TOP6BL: variants seen among roughly 807,000 people sequenced by gnomAD.
TOP6BL encodes TOP6B like initiator of meiotic double strand breaks, also known as type 2 DNA topoisomerase 6 subunit B-like.
At chr11:66,749,289 A>C in the TOP6BL span, among the ~76,000 whole-genome samples, 2 of 152,046 alleles carry the variant, frequency 1.3e-5, no homozygotes. Context: ...CATGAACTGC[A>C]CTCTGACTGG....
At chr11:66,814,091 A>G in the TOP6BL span, 1 of 1,432,702 alleles carries the variant, frequency 7.0e-7, no homozygotes, top group Non-Finnish European at 9.6e-7. Context: ...ATATGAATAG[A>G]ACGTGTGTAT....
At chr11:66,828,323 C>G in the TOP6BL span, 1 of 1,613,638 alleles carries the variant, frequency 6.2e-7, no homozygotes, top group Non-Finnish European at 8.5e-7. Flanking sequence ...TGAGATCACC[C>G]AACACCAATT....
At chr11:66,749,294 G>T in the TOP6BL span, among the ~76,000 whole-genome samples, 23 of 152,264 alleles carry the variant, frequency 1.5e-4, no homozygotes, top group Non-Finnish European at 3.2e-4. Context: ...ACTGCACTCT[G>T]ACTGGCAGGG....
At chr11:66,744,804 C>A in the TOP6BL span, 8 of 1,277,862 alleles carry the variant, frequency 6.3e-6, no homozygotes, top group Non-Finnish European at 7.9e-6. Flanking sequence ...GAGTTCCAAG[C>A]CCGGGCTGAG....
the TOP6BL span, among the ~76,000 whole-genome samples, chr11:66,818,061 TCTC>T: frequency 6.6e-6 from 1 of 152,144 alleles, no homozygotes; most frequent in Non-Finnish European, 1.5e-5. Context: ...ATGTCTCTGT[TCTC>T]CTTTCTCTAT....
chr11:66,758,302 C>CTTTCTTTTTT, the TOP6BL span: 1 of 67,318 alleles, frequency 1.5e-5, no homozygotes. Flanking sequence ...TTTTCTTTTT[C>CTTTCTTTTTT]TTTTTTTTTT....
chr11:66,816,333 A>G, the TOP6BL span: 3 of 1,030,034 alleles, frequency 2.9e-6, no homozygotes, highest in Admixed American at 6.1e-5. Flanking sequence ...ACCTTGCTTA[A>G]TAAAATGAAC....
chr11:66,780,242 T>G, the TOP6BL span, among the ~76,000 whole-genome samples: 3 of 152,212 alleles, frequency 2.0e-5, no homozygotes, highest in African/African-American at 7.2e-5. Context: ...ACTCAAATAC[T>G]TATAATTCCC....
At chr11:66,843,487 T>G in the TOP6BL span, 4 of 1,475,078 alleles carry the variant, frequency 2.7e-6, no homozygotes, top group Non-Finnish European at 3.6e-6. Context: ...GGGCTGCGAC[T>G]GCTGTCGGTG....
the TOP6BL span, among the ~76,000 whole-genome samples, chr11:66,787,604 C>T: frequency 6.7e-6 from 1 of 150,262 alleles, no homozygotes; most frequent in Non-Finnish European, 1.5e-5. Context: ...CCTCTAATCC[C>T]AGCTACTTGG....
the TOP6BL span, among the ~76,000 whole-genome samples, chr11:66,829,140 C>G: frequency 6.6e-6 from 1 of 150,420 alleles, no homozygotes; most frequent in Non-Finnish European, 1.5e-5. Flanking sequence ...AATCCTAGCA[C>G]TTTGGGAGGC....
the TOP6BL span, chr11:66,759,015 A>C: frequency 6.6e-7 from 1 of 1,504,128 alleles, no homozygotes; most frequent in Non-Finnish European, 9.0e-7. Flanking sequence ...CTTATTTGTG[A>C]TATTTCTTTG....
chr11:66,805,425 A>G, the TOP6BL span, among the ~76,000 whole-genome samples: 10 of 152,112 alleles, frequency 6.6e-5, no homozygotes, highest in African/African-American at 2.4e-4. Flanking sequence ...GTCTGTCTAG[A>G]ATAGGCAAAT....
the TOP6BL span, chr11:66,843,147 C>G: frequency 6.2e-7 from 1 of 1,610,024 alleles, no homozygotes; most frequent in African/African-American, 1.3e-5. Context: ...GGTCCTCACC[C>G]CGGGCCCCCT....
At chr11:66,800,534 T>C in the TOP6BL span, 1 of 806,354 alleles carries the variant, frequency 1.2e-6, no homozygotes, top group Non-Finnish European at 1.9e-6. Flanking sequence ...GTAATGTTAA[T>C]TTAAAATTTT....
At chr11:66,804,021 C>T in the TOP6BL span, 1 of 1,607,646 alleles carries the variant, frequency 6.2e-7, no homozygotes, top group Non-Finnish European at 8.5e-7. Flanking sequence ...ACAATTGAAT[C>T]ACACTGCAGC....
chr11:66,790,107 C>G, the TOP6BL span, among the ~76,000 whole-genome samples: 1 of 151,926 alleles, frequency 6.6e-6, no homozygotes, highest in African/African-American at 2.4e-5. Flanking sequence ...CCCGTCTCTA[C>G]AAAAAATACA....
the TOP6BL span, among the ~76,000 whole-genome samples, chr11:66,809,101 C>A: frequency 1.3e-5 from 2 of 152,278 alleles, no homozygotes; most frequent in South Asian, 2.1e-4. Flanking sequence ...CCCGCCACCA[C>A]GCCAGGCTAA....
chr11:66,843,349 G>C, the TOP6BL span: 1 of 1,465,424 alleles, frequency 6.8e-7, no homozygotes, highest in Non-Finnish European at 9.0e-7. Flanking sequence ...CTGCTTCCGC[G>C]TCGGGCCCGG....
Sources: gnomAD v4.1 joint callset for allele counts (sites outside exome capture counted in the v4.1 genomes callset) on GRCh38, gnomAD v4.1.1 for gene constraint, MANE v1.5 for transcripts, NCBI Gene and HGNC (gene_info 2026-07-23, HGNC 2026-07-21) for gene names.